Variants in EYS observed in about 807,000 individuals in gnomAD.
EYS encodes the protein protein eyes shut homolog.
Under a neutral mutation model 282.1 loss-of-function variants are expected in EYS, and 250 were observed. The observed-to-expected ratio is 0.89, with a 90% CI of 0.80 to 0.98. The LOEUF is 0.98. EYS is among the 50% of genes least tolerant of loss of function. EYS has a pLI of 0.00. For missense variants in EYS, 4,016 were observed against 3,709.0 expected (o/e 1.08, Z -2.15); for synonymous variants, 1,355 against 1,282.9 (o/e 1.06, Z -1.20).
At chr6:63,798,369 T>C (rs953930477) in intron 37 of EYS, among the ~76,000 whole-genome samples, 1 of 152,226 alleles carries the variant, frequency 6.6e-6, no homozygotes, top group African/African-American at 2.4e-5. Context: ...TTTGATTCCA[T>C]GAAAACCAAG....
chr6:65,501,412 G>T (rs1263222617), intron 2 of EYS, among the ~76,000 whole-genome samples: 1 of 151,590 alleles, frequency 6.6e-6, no homozygotes, highest in Non-Finnish European at 1.5e-5. Context: ...TCTTAACAGA[G>T]ATAATATATT....
In EYS at chr6:65,002,084, C is replaced by A. The variant is rs578172291; in HGVS notation, c.2138-4381G>T. ...ATAATACATTGTTAATCAATGTGAA[C>A]AATTTAAATTTAAATTGTCTATTAT... On this transcript the variant is annotated intron_variant, in intron 13 of 42. Transcript: ENST00000503581. Among the ~76,000 whole-genome samples, 11 of 146,274 alleles carry A rather than the reference C, an allele frequency of 7.5e-5. 1 individual carries two copies. In the East Asian group the frequency reaches 1.3e-3, roughly 17 times the overall value.
chr6:64,529,202 T>G (rs1236228238), intron 26 of EYS, among the ~76,000 whole-genome samples: 1 of 152,058 alleles, frequency 6.6e-6, no homozygotes, highest in African/African-American at 2.4e-5. Flanking sequence ...GTCCTACTCA[T>G]GTACATCATT....
At chr6:65,077,039 A>C (rs1774075452) in intron 12 of EYS, among the ~76,000 whole-genome samples, 1 of 151,968 alleles carries the variant, frequency 6.6e-6, no homozygotes, top group Non-Finnish European at 1.5e-5. Context: ...TGGGGCAAAA[A>C]GTCAACGATT....
rs188340784 is a variant in EYS at position 64,972,206 on chromosome 6, A to G, written c.2259+25376T>C. On this transcript the variant is annotated intron_variant, in intron 14 of 42. Transcript: ENST00000503581. ...AAAAGCATTGCCAGAAAACATTTTG[A>G]CATTAGGCAATCTGGCAGAAGAGTT... 2.6e-5 allele frequency among the ~76,000 whole-genome samples: 4 copies of G among 152,286 alleles called. No homozygotes were observed. The East Asian group carries it at 7.8e-4, about 30-fold the overall frequency.
intron 12 of EYS, among the ~76,000 whole-genome samples, chr6:65,287,561 C>T (rs942069484): frequency 6.6e-6 from 1 of 151,226 alleles, no homozygotes; most frequent in African/African-American, 2.4e-5. Flanking sequence ...TATAATTATG[C>T]AAACAATGTT....
chr6:64,273,172 G>T (rs987308734), intron 30 of EYS, among the ~76,000 whole-genome samples: 1 of 152,054 alleles, frequency 6.6e-6, no homozygotes, highest in Non-Finnish European at 1.5e-5. Context: ...TCTTTATTCT[G>T]CTTTTTGCAC....
At chr6:63,820,384 T>C (rs1299943197) in intron 36 of EYS, among the ~76,000 whole-genome samples, 1 of 152,206 alleles carries the variant, frequency 6.6e-6, no homozygotes, top group Non-Finnish European at 1.5e-5. Flanking sequence ...ACCTCACAAA[T>C]AGTTTCTTCA....
intron 8 of EYS, among the ~76,000 whole-genome samples, chr6:65,363,299 C>T (rs776564332): frequency 6.6e-6 from 1 of 151,892 alleles, no homozygotes; most frequent in Non-Finnish European, 1.5e-5. Flanking sequence ...ACCAAAATCC[C>T]TATTTTCCTT....
chr6:64,352,307 AT>A (rs1404322224), intron 29 of EYS, among the ~76,000 whole-genome samples: 1 of 151,590 alleles, frequency 6.6e-6, no homozygotes, highest in Non-Finnish European at 1.5e-5. Context: ...GAGAATAACA[AT>A]ATAGTACCTA....
At position 64,590,704 on chromosome 6, in the gene EYS, G is replaced by A. The variant is rs1766378243; in HGVS notation, c.5163C>T (p.Ser1721=). 6.4e-7 allele frequency: 1 copy of A among 1,550,920 alleles called. No individual in the cohort carries two copies. Among genetic ancestry groups the A allele is most frequent in the Non-Finnish European group, 8.7e-7 (1 of 1,146,442 alleles). ...MGPTEVLNQE[S]LLDMEKSKGS... is the part of the protein sequence containing the mutation. ...CTTTACTTTTTTCCATGTCCAATAA[G>A]CTCTCTTGATTTAGTACCTCAGTGG... Residue 1721 remains serine (S), a synonymous_variant, in exon 26 of 43, where the codon AGC becomes AGT. Coordinates refer to ENST00000503581, the MANE Select transcript of EYS (RefSeq NM_001142800.2).
intron 12 of EYS, among the ~76,000 whole-genome samples, chr6:65,108,342 G>C (rs1249390469): frequency 2.0e-5 from 3 of 152,112 alleles, no homozygotes; most frequent in African/African-American, 7.2e-5. Flanking sequence ...CACTCGCTCA[G>C]GCTGGAGTGC....
intron 5 of EYS, among the ~76,000 whole-genome samples, chr6:65,420,499 T>A (rs1030065779): frequency 1.3e-5 from 2 of 151,930 alleles, no homozygotes; most frequent in African/African-American, 4.8e-5. Context: ...TACTGTTGTT[T>A]TAAACCACTC....
intron 41 of EYS, among the ~76,000 whole-genome samples, chr6:63,758,723 C>A (rs1011810276): frequency 6.6e-6 from 1 of 152,016 alleles, no homozygotes; most frequent in Non-Finnish European, 1.5e-5. Flanking sequence ...GTGGAGGAAA[C>A]GAAATAATGA....
intron 22 of EYS, among the ~76,000 whole-genome samples, chr6:64,674,204 G>C (rs1769569704): frequency 6.6e-6 from 1 of 152,046 alleles, no homozygotes; most frequent in African/African-American, 2.4e-5. Flanking sequence ...ATTGGCAGAG[G>C]AGAGAAGCAG....
intron 13 of EYS, among the ~76,000 whole-genome samples, chr6:65,057,303 A>C (rs1314054348): frequency 6.6e-6 from 1 of 152,118 alleles, no homozygotes; most frequent in South Asian, 2.1e-4. Context: ...ATACAGAAGA[A>C]TATTTCAAAT....
chr6:65,629,301 G>A (rs1035229738), intron 2 of EYS, among the ~76,000 whole-genome samples: 1 of 152,132 alleles, frequency 6.6e-6, no homozygotes, highest in Non-Finnish European at 1.5e-5. Flanking sequence ...CTTTAAGGGG[G>A]TTATTCTGAA....
chr6:64,040,490 T>C (rs116565959), intron 33 of EYS, among the ~76,000 whole-genome samples: 1,758 of 152,356 alleles, frequency 0.012, 29 homozygotes, highest in African/African-American at 0.04. Flanking sequence ...TTTTAAATTT[T>C]GTATTATTTG....
chr6:64,691,219 A>C (rs1328930052), intron 22 of EYS, among the ~76,000 whole-genome samples: 1 of 152,170 alleles, frequency 6.6e-6, no homozygotes, highest in Non-Finnish European at 1.5e-5. Flanking sequence ...AATATTAACT[A>C]TGCAGTCTTT....
Sources: gnomAD v4.1 joint callset for allele counts (sites outside exome capture counted in the v4.1 genomes callset) on GRCh38, gnomAD v4.1.1 for gene constraint, MANE v1.5 for transcripts, NCBI Gene and HGNC (gene_info 2026-07-23, HGNC 2026-07-21) for gene names.